KANSL1: variants seen among roughly 807,000 people sequenced by gnomAD.
The protein encoded by KANSL1 is KAT8 regulatory NSL complex subunit 1.
In KANSL1, 22 loss-of-function variants were observed where a neutral mutation model predicts 103.6. The ratio of observed to expected loss-of-function variants is 0.21; its 90% CI spans 0.15 to 0.30. The LOEUF is 0.30. KANSL1 is among the 10% of genes least tolerant of loss of function. The pLI is 1.00. For synonymous variants in KANSL1, 600 were observed against 527.6 expected (o/e 1.14, Z -1.88); for missense variants, 1,337 against 1,399.8 (o/e 0.96, Z 0.72).
chr17:46,058,772 CTCTCTCTCTCTCTCTCTCTCA>C (rs1246712148), intron 6 of KANSL1, among the ~76,000 whole-genome samples: 1 of 138,268 alleles, frequency 7.2e-6, no homozygotes, highest in Non-Finnish European at 1.6e-5. Context: ...CTCTCTCTCT[CTCTCTCTCTCTCTCTCTCTCA>C]AAACATAAGA....
At chr17:46,138,100 C>T (rs2044244252) in intron 2 of KANSL1, among the ~76,000 whole-genome samples, 1 of 152,168 alleles carries the variant, frequency 6.6e-6, no homozygotes, top group African/African-American at 2.4e-5. Context: ...TGCCTTGACT[C>T]CTGATCTCTT....
At chr17:46,133,251 A>C (rs1345345286) in intron 2 of KANSL1, among the ~76,000 whole-genome samples, 2 of 152,232 alleles carry the variant, frequency 1.3e-5, no homozygotes, top group African/African-American at 2.4e-5. Context: ...AGGACCACTG[A>C]GTGTTCTGAG....
rs1327328065 is a variant in KANSL1 at position 46,078,595 on chromosome 17, T to C, written c.1533+3846A>G. On this transcript the variant is annotated intron_variant, in intron 4 of 14. Coordinates refer to ENST00000432791, the MANE Select transcript of KANSL1 (RefSeq NM_015443.4). The stretch of plus-strand genomic sequence containing the variant: ...CCATGAAGCAGTGACTATTGAATTC[T>C]AGAAGCTCTGGGGCACATGGACTGA... Among the ~76,000 whole-genome samples, 6 of 152,254 alleles carry C rather than the reference T, an allele frequency of 3.9e-5. No homozygotes were observed. In the South Asian group the frequency reaches 6.2e-4, roughly 16 times the overall value.
chr17:46,048,159 C>T (rs866916514), intron 7 of KANSL1, among the ~76,000 whole-genome samples: 3 of 152,020 alleles, frequency 2.0e-5, no homozygotes, highest in African/African-American at 7.2e-5. Context: ...GAACCCGCCA[C>T]GGCCTCCAAA....
In KANSL1 at chr17:46,030,121, GT is replaced by G. The variant is rs67641084; in HGVS notation, c.*1354del. On this transcript the variant is annotated 3_prime_UTR_variant, in exon 15 of 15. Transcript: ENST00000432791. ...AAAGAAAATATTTACAAAATACAAG[GT>G]TTTTTTTTTCCATTTTTTGTTTTTG... The G allele has an allele frequency of 0.15, 21,520 of 145,090 alleles. 2,104 individuals are homozygous for G. Among genetic ancestry groups the G allele is most frequent in the Middle Eastern group, 0.23 (64 of 284 alleles). 9.0% of individuals were successfully genotyped at this position (145,090 alleles called of 1,614,324 possible).
rs1054571943 is a variant in KANSL1 at position 46,143,661 on chromosome 17, G to A, written c.1289+27194C>T. On this transcript the variant is annotated intron_variant, in intron 2 of 14. Transcript: ENST00000432791. The stretch of plus-strand genomic sequence containing the variant: ...CTAGTAAAAATACAAAAAATTAGCC[G>A]GGCGTTGTGGCGGGCGCCTGTAGTC... Among the ~76,000 whole-genome samples the A allele has an allele frequency of 4.6e-5, 7 of 151,298 alleles. No individual in the cohort carries two copies. In the East Asian group the frequency reaches 7.8e-4, roughly 17 times the overall value.
At chr17:46,185,966 A>C (rs1181034083) in intron 1 of KANSL1, among the ~76,000 whole-genome samples, 3 of 149,992 alleles carry the variant, frequency 2.0e-5, no homozygotes, top group Non-Finnish European at 3.0e-5. Context: ...TAGCTGACAA[A>C]AGACAGAGGA....
chr17:46,193,293 G>A lies in KANSL1; in HGVS notation c.-560C>T, dbSNP rs62060948. On this transcript the variant is annotated 5_prime_UTR_variant, in exon 1 of 15. Coordinates refer to ENST00000432791, the MANE Select transcript of KANSL1 (RefSeq NM_015443.4). The stretch of plus-strand genomic sequence containing the variant: ...CAGCCGCCCCCCGCGCCGCCGCGGC[G>A]AGACGAGTCGGCTTCGCTACGGTGC... The A allele has an allele frequency of 0.35, 53,181 of 151,512 alleles. 9,661 individuals carry two copies. Among genetic ancestry groups the A allele is most frequent in the South Asian group, 0.6 (2,884 of 4,846 alleles). The allele number at this position is 151,512 out of a possible 1,614,324, so 9.4% of individuals were successfully genotyped here.
intron 3 of KANSL1, among the ~76,000 whole-genome samples, chr17:46,082,767 A>G (rs548049406): frequency 5.3e-5 from 8 of 152,280 alleles, no homozygotes; most frequent in African/African-American, 1.7e-4. Context: ...GCTCTGACCT[A>G]CATGGCTCAT....
At chr17:46,085,007 A>G (rs2079113185) in intron 3 of KANSL1, among the ~76,000 whole-genome samples, 2 of 152,172 alleles carry the variant, frequency 1.3e-5, no homozygotes, top group Admixed American at 6.5e-5. Context: ...CTTCCTGTAC[A>G]AAGCATGCCA....
At chr17:46,064,062 AAAAAAAAAAC>A (rs1348588923) in intron 6 of KANSL1, among the ~76,000 whole-genome samples, 54 of 132,208 alleles carry the variant, frequency 4.1e-4, no homozygotes, top group African/African-American at 8.4e-4. Context: ...GTAAAAAAAA[AAAAAAAAAAC>A]AAAAAAAAAC....
chr17:46,077,332 C>T (rs1026601455), intron 4 of KANSL1, among the ~76,000 whole-genome samples: 1 of 152,154 alleles, frequency 6.6e-6, no homozygotes, highest in Admixed American at 6.5e-5. Context: ...GGATTACAGG[C>T]ATGAGCCACT....
intron 2 of KANSL1, chr17:46,170,251 GCTTT>G (rs1025983501): frequency 7.5e-5 from 11 of 147,432 alleles, no homozygotes; most frequent in African/African-American, 2.5e-4. Flanking sequence ...CTTAAAATGG[GCTTT>G]TTTTTTTTTT....
intron 3 of KANSL1, 63 bp downstream of exon 3, chr17:46,094,497 G>A: frequency 6.4e-7 from 1 of 1,559,268 alleles, no homozygotes; most frequent in Non-Finnish European, 8.7e-7. Flanking sequence ...GGGAGGGGAT[G>A]TGAGAAAAGC....
At chr17:46,087,371 G>A (rs1404444164) in intron 3 of KANSL1, among the ~76,000 whole-genome samples, 2 of 152,012 alleles carry the variant, frequency 1.3e-5, no homozygotes, top group Non-Finnish European at 1.5e-5. Flanking sequence ...ATTTAATACT[G>A]TACCTCACAC....
At chr17:46,195,200 A>C (rs1282087345), upstream of KANSL1, among the ~76,000 whole-genome samples, 1 of 152,266 alleles carries the variant, frequency 6.6e-6, no homozygotes, top group Admixed American at 6.5e-5. Context: ...AATCTAAATT[A>C]GCAGAATGAA....
rs1036322513 is a variant in KANSL1, at chr17:46,192,894, G to C, written c.-161C>G. The C allele has an allele frequency of 6.6e-6, 1 of 152,644 alleles. No homozygotes were observed. Among genetic ancestry groups the C allele is most frequent in the Non-Finnish European group, 1.5e-5 (1 of 68,280 alleles). The allele number at this position is 152,644 out of a possible 1,614,324, so 9.5% of individuals were successfully genotyped here. On this transcript the variant is annotated 5_prime_UTR_variant, in exon 1 of 15. Transcript: ENST00000432791. The stretch of plus-strand genomic sequence containing the variant: ...GGGCGCAGTTTGCAAACAGCCCCCC[G>C]GCCTGGGCGCCGAGGGCCAGCGGCG...
At chr17:46,196,254 A>G (rs1597948004), upstream of KANSL1, 17 of 445,748 alleles carry the variant, frequency 3.8e-5, no homozygotes, top group Middle Eastern at 3.0e-3. Context: ...AAGTGATAAA[A>G]AAATAAAAAC....
Position 46,031,343 on chromosome 17 carries a change from T to A in KANSL1, c.*133A>T. 1.2e-6 allele frequency: 1 copy of A among 830,122 alleles called. No individual in the cohort carries two copies. Among genetic ancestry groups the A allele is most frequent in the Non-Finnish European group, 1.8e-6 (1 of 544,274 alleles). The allele number at this position is 830,122 out of a possible 1,614,324, so 51.4% of individuals were successfully genotyped here. A position where few individuals can be genotyped will look rare whatever the true frequency, so the allele number is the denominator to read the frequency against. ...AAAACAAGAAAAAAAAATACCAAAG[T>A]AGGATCTAAATTCCTTAAGTTCACT... On this transcript the variant is annotated 3_prime_UTR_variant, in exon 15 of 15. Transcript: ENST00000432791.
Sources: gnomAD v4.1 joint callset for allele counts (sites outside exome capture counted in the v4.1 genomes callset) on GRCh38, gnomAD v4.1.1 for gene constraint, MANE v1.5 for transcripts, NCBI Gene and HGNC (gene_info 2026-07-23, HGNC 2026-07-21) for gene names.